Variants in STAU2 observed in about 807,000 individuals in gnomAD.
The protein encoded by STAU2 is staufen double-stranded RNA binding protein 2.
STAU2 carries 20 observed loss-of-function variants against 65.9 expected under a neutral mutation model. The observed-to-expected ratio is 0.30, with a 90% confidence interval of 0.21 to 0.44. The LOEUF is 0.44. Ranked by LOEUF, STAU2 falls within the 20% of genes least tolerant of loss-of-function variation. STAU2 has a pLI of 1.00. For synonymous variants in STAU2, 232 were observed against 233.9 expected (o/e 0.99, Z 0.07); for missense variants, 558 against 683.9 (o/e 0.82, Z 2.05).
At chr8:73,470,651 T>TAA (rs34487898) in intron 13 of STAU2, among the ~76,000 whole-genome samples, 2 of 151,552 alleles carry the variant, frequency 1.3e-5, no homozygotes, top group African/African-American at 4.9e-5. Context: ...AATTTTTTTT[T>TAA]AAATTAGCTG....
chr8:73,574,857 G>T (rs565375167), intron 12 of STAU2, among the ~76,000 whole-genome samples: 28 of 151,694 alleles, frequency 1.8e-4, no homozygotes. Context: ...GTATACATAT[G>T]TAACAAACCT....
chr8:73,431,299 C>T (rs757622970), intron 13 of STAU2, among the ~76,000 whole-genome samples: 5 of 152,156 alleles, frequency 3.3e-5, no homozygotes, highest in Non-Finnish European at 7.3e-5. Context: ...TTGTATTTTA[C>T]CACAGCCTAC....
chr8:73,452,122 G>T (rs907151907), intron 13 of STAU2, among the ~76,000 whole-genome samples: 1 of 152,244 alleles, frequency 6.6e-6, no homozygotes, highest in African/African-American at 2.4e-5. Context: ...AGCTCCTGAT[G>T]CATCCAGGGG....
Position 73,467,348 on chromosome 8 carries a change from C to T in STAU2, c.1531-44646G>A, listed in dbSNP as rs149078232. ...AAGATCAAGACCATCCTGGCTAACA[C>T]GATGAAACCCCGTCTCTACTAAAAA... is the stretch of plus-strand genomic sequence containing the variant. On this transcript the variant is annotated intron_variant, in intron 13 of 14. Coordinates refer to ENST00000524300, the MANE Select transcript of STAU2 (RefSeq NM_001164380.2). 9.2e-3 allele frequency among the ~76,000 whole-genome samples: 1,399 copies of T among 152,160 alleles called. 24 individuals are homozygous for T. The highest frequency in any genetic ancestry group is 0.032 in the African/African-American group (1,315 of 41,504).
intron 13 of STAU2, among the ~76,000 whole-genome samples, chr8:73,539,062 C>T (rs1806358950): frequency 6.6e-6 from 1 of 152,092 alleles, no homozygotes; most frequent in Non-Finnish European, 1.5e-5. Context: ...GCTACTGCCC[C>T]AGAAACTAAG....
At chr8:73,548,690 CAACT>C (rs1237484430) in intron 13 of STAU2, among the ~76,000 whole-genome samples, 1 of 152,058 alleles carries the variant, frequency 6.6e-6, no homozygotes, top group African/African-American at 2.4e-5. Context: ...ACTAAAACAC[CAACT>C]AAGTGTTTCT....
intron 11 of STAU2, 86 bp downstream of exon 11, chr8:73,595,080 T>G: frequency 8.4e-7 from 1 of 1,185,376 alleles, no homozygotes; most frequent in Non-Finnish European, 1.1e-6. Context: ...AATTGACATT[T>G]ACTTTAATAT....
chr8:73,507,384 T>C (rs1042733881), intron 13 of STAU2, among the ~76,000 whole-genome samples: 7 of 150,542 alleles, frequency 4.6e-5, no homozygotes, highest in Non-Finnish European at 1.0e-4. Flanking sequence ...TCATGGCTCT[T>C]GCATGACCAG....
chr8:73,571,468 T>G (rs1352430213), intron 12 of STAU2, among the ~76,000 whole-genome samples: 1 of 152,194 alleles, frequency 6.6e-6, no homozygotes, highest in East Asian at 1.9e-4. Flanking sequence ...CACATCGCAC[T>G]TATTCCAAAA....
chr8:73,595,175 T>C lies in STAU2; in HGVS notation c.1152A>G (p.Gln384=). 5 of 1,603,918 alleles carry C rather than the reference T, an allele frequency of 3.1e-6. No individual in the cohort carries two copies. The highest frequency in any genetic ancestry group is 4.2e-6 in the Non-Finnish European group (5 of 1,176,706). The change falls in exon 11 of 15, where the codon CAA becomes CAG. Residue 384 remains glutamine (Q), a synonymous_variant. Transcript: ENST00000524300. ...TAAACTTAACTCTTACCTTCTCAAG[T>C]TGATCCTGAAGATTAGTGGATGCTT... ...GYKASTNLQD[Q]LEKTGENKGW...
rs915376469 is a variant in STAU2 at position 73,472,181 on chromosome 8, G to A, written c.1531-49479C>T. ...AAAACATGAGAAGAAAAACTGATGT[G>A]CTAAGAAGAGATGACATTACGTTTA... On this transcript the variant is annotated intron_variant, in intron 13 of 14. Transcript: ENST00000524300. 3.3e-5 allele frequency among the ~76,000 whole-genome samples: 5 copies of A among 152,172 alleles called. No homozygotes were observed. The East Asian group carries it at 5.8e-4, about 18-fold the overall frequency.
At chr8:73,456,657 G>A (rs558891566) in intron 13 of STAU2, among the ~76,000 whole-genome samples, 7 of 152,142 alleles carry the variant, frequency 4.6e-5, no homozygotes, top group Middle Eastern at 3.2e-3. Context: ...ATTGCATTCC[G>A]TCTTACCAGA....
At chr8:73,547,804 T>C (rs1402283936) in intron 13 of STAU2, among the ~76,000 whole-genome samples, 1 of 152,038 alleles carries the variant, frequency 6.6e-6, no homozygotes, top group Non-Finnish European at 1.5e-5. Flanking sequence ...GGCAACACAG[T>C]AAGTTATGTT....
At chr8:73,555,070 C>A (rs1269381627) in intron 12 of STAU2, among the ~76,000 whole-genome samples, 1 of 152,204 alleles carries the variant, frequency 6.6e-6, no homozygotes, top group Non-Finnish European at 1.5e-5. Context: ...CTCAGTCTAT[C>A]AGGAGAGGAA....
chr8:73,724,834 C>T (rs1399312867), intron 3 of STAU2, among the ~76,000 whole-genome samples: 4 of 151,926 alleles, frequency 2.6e-5, no homozygotes, highest in African/African-American at 7.3e-5. Context: ...ACTACAGGTG[C>T]ACACCACCAC....
chr8:73,581,399 T>C (rs899326020), intron 12 of STAU2, among the ~76,000 whole-genome samples: 5 of 152,152 alleles, frequency 3.3e-5, no homozygotes, highest in Non-Finnish European at 5.9e-5. Context: ...AGTATAAGAA[T>C]GGAATTTCTG....
At chr8:73,518,921 C>T (rs901775656) in intron 13 of STAU2, among the ~76,000 whole-genome samples, 2 of 151,944 alleles carry the variant, frequency 1.3e-5, no homozygotes, top group Non-Finnish European at 2.9e-5. Context: ...GGAGGGAGGA[C>T]CATTTTGAAA....
At chr8:73,746,090 T>C (rs1807252062) in intron 1 of STAU2, among the ~76,000 whole-genome samples, 2 of 152,088 alleles carry the variant, frequency 1.3e-5, no homozygotes, top group Non-Finnish European at 1.5e-5. Flanking sequence ...GCCATCACGG[T>C]AGGAGTTCGT....
intron 6 of STAU2, among the ~76,000 whole-genome samples, chr8:73,634,311 C>T (rs908163302): frequency 6.6e-6 from 1 of 151,930 alleles, no homozygotes; most frequent in African/African-American, 2.4e-5. Flanking sequence ...GGGCGGATCA[C>T]GAGGTCAAGA....
Sources: allele counts gnomAD v4.1 joint callset (sites outside exome capture counted in the v4.1 genomes callset), GRCh38; gene constraint gnomAD v4.1.1; transcripts MANE v1.5; gene names NCBI Gene and HGNC (gene_info 2026-07-23, HGNC 2026-07-21).